OXR1: variants seen among roughly 807,000 people sequenced by gnomAD.
The protein encoded by OXR1 is oxidation resistance 1, also known as oxidation resistance protein 1.
OXR1 carries 41 observed loss-of-function variants against 104.6 expected under a neutral mutation model. The observed-to-expected ratio is 0.39, with a 90% CI of 0.31 to 0.51. The LOEUF (loss-of-function observed/expected upper bound fraction) is 0.51. Among genes scored for constraint, OXR1 ranks in the 20% least tolerant of loss-of-function variants. The pLI is 0.77. For synonymous variants in OXR1, 348 were observed against 348.4 expected, an observed-to-expected ratio of 1.00 and a Z score of 0.01; for missense variants, 955 against 1,031.9, an observed-to-expected ratio of 0.93 and a Z score of 1.02.
intron 3 of OXR1, among the ~76,000 whole-genome samples, chr8:106,651,227 C>T (rs189410464): frequency 6.6e-6 from 1 of 152,286 alleles, no homozygotes; most frequent in African/African-American, 2.4e-5. Context: ...TCTTCACCAT[C>T]CTGATAGAAG....
At chr8:106,307,695 A>G in intron 1 of OXR1, among the ~76,000 whole-genome samples, 1 of 152,124 alleles carries the variant, frequency 6.6e-6, no homozygotes, top group East Asian at 1.9e-4. Context: ...CTAGGGCTGT[A>G]GTTGGTTCCC....
rs76496994 is a variant in OXR1, at chr8:106,628,703, C to T, written c.221-50507C>T. On this transcript the variant is annotated intron_variant, in intron 3 of 16. Transcript: ENST00000517566. Reference sequence around the variant, plus strand: ...TTCTAGATGTCCCATCCCCTCTCTGCTATCCTCTTCCATCTTCACACGCAT... The same window carrying T: ...TTCTAGATGTCCCATCCCCTCTCTGTTATCCTCTTCCATCTTCACACGCAT... 4.3e-3 allele frequency among the ~76,000 whole-genome samples: 662 copies of T among 152,310 alleles called. 2 individuals are homozygous for T. Among genetic ancestry groups the T allele is most frequent in the Non-Finnish European group, 8.1e-3 (548 of 68,006 alleles).
chr8:106,672,532 G>A (rs150909498), intron 3 of OXR1, among the ~76,000 whole-genome samples: 1 of 129,168 alleles, frequency 7.7e-6, no homozygotes, highest in Non-Finnish European at 1.7e-5. Flanking sequence ...GAGAGAGAGA[G>A]AAAAGAAAAA....
intron 6 of OXR1, among the ~76,000 whole-genome samples, chr8:106,691,619 CATATATATAT>C (rs35095319): frequency 7.1e-6 from 1 of 140,984 alleles, no homozygotes; most frequent in African/African-American, 2.6e-5. Flanking sequence ...CATATATATA[CATATATATAT>C]ATATATATAT....
intron 2 of OXR1, among the ~76,000 whole-genome samples, chr8:106,505,792 C>T (rs541641719): frequency 6.6e-6 from 1 of 152,198 alleles, no homozygotes; most frequent in African/African-American, 2.4e-5. Flanking sequence ...TGGCCCAAGA[C>T]TATCAGGGCA....
intron 3 of OXR1, among the ~76,000 whole-genome samples, chr8:106,530,434 G>A (rs1420784561): frequency 6.6e-6 from 1 of 152,110 alleles, no homozygotes; most frequent in Non-Finnish European, 1.5e-5. Context: ...TGGGATTACA[G>A]GTGTGCATAA....
At chr8:106,419,174 A>G (rs1272238091) in intron 2 of OXR1, among the ~76,000 whole-genome samples, 1 of 152,148 alleles carries the variant, frequency 6.6e-6, no homozygotes, top group Non-Finnish European at 1.5e-5. Flanking sequence ...GAGAGTTGTG[A>G]CTGCTGTGAG....
intron 3 of OXR1, among the ~76,000 whole-genome samples, chr8:106,638,576 C>G (rs916571954): frequency 2.6e-5 from 4 of 152,166 alleles, no homozygotes; most frequent in Non-Finnish European, 5.9e-5. Flanking sequence ...GAGGACAACA[C>G]TTTAAGAACC....
chr8:106,509,991 C>G (rs557925453), intron 2 of OXR1, among the ~76,000 whole-genome samples: 1 of 152,176 alleles, frequency 6.6e-6, no homozygotes, highest in South Asian at 2.1e-4. Context: ...ATGCTGGTTG[C>G]GAACTCCTGA....
chr8:106,420,883 A>T (rs1361294522), intron 2 of OXR1, among the ~76,000 whole-genome samples: 1 of 151,980 alleles, frequency 6.6e-6, no homozygotes, highest in Non-Finnish European at 1.5e-5. Flanking sequence ...TGGATAGATG[A>T]CCTACAATGA....
At chr8:106,351,557 C>T (rs1244281852) in intron 1 of OXR1, among the ~76,000 whole-genome samples, 1 of 152,042 alleles carries the variant, frequency 6.6e-6, no homozygotes, top group Non-Finnish European at 1.5e-5. Context: ...CGGGAAAATG[C>T]AAATCAGCTT....
At chr8:106,547,713 G>C (rs979340228) in intron 3 of OXR1, among the ~76,000 whole-genome samples, 1 of 151,918 alleles carries the variant, frequency 6.6e-6, no homozygotes, top group Non-Finnish European at 1.5e-5. Flanking sequence ...GGCTGGTCTC[G>C]AACTACTGAC....
chr8:106,750,820 T>A lies in OXR1; in HGVS notation c.2501T>A (p.Leu834His). 1 of 1,601,264 alleles carries A rather than the reference T, an allele frequency of 6.2e-7. No homozygotes were observed. Among genetic ancestry groups the A allele is most frequent in the Non-Finnish European group, 8.5e-7 (1 of 1,174,574 alleles). ...ATGTATTGCAGAGGAGAATTTGCGC[T>A]TTGGCTTGATGGAGATCTCTACCAT... The part of the protein sequence containing the change: ...AFGGGGGEFA[L>H]WLDGDLYHGR... Residue 834 changes from leucine to histidine, a missense_variant, in exon 17 of 17, where the codon CTT becomes CAT. Transcript: ENST00000517566.
At chr8:106,359,706 C>T (rs1563735972) in intron 2 of OXR1, 70 bp downstream of exon 2, 5 of 1,096,212 alleles carry the variant, frequency 4.6e-6, no homozygotes, top group East Asian at 5.2e-5. Context: ...CTGAGGGAGT[C>T]GTACAGGCAG....
chr8:106,622,477 ACACACACACC>A (rs2130851800), intron 3 of OXR1, among the ~76,000 whole-genome samples: 3 of 150,384 alleles, frequency 2.0e-5, no homozygotes, highest in South Asian at 2.1e-4. Context: ...ACACACACAC[ACACACACACC>A]CCTTACTTCA....
At chr8:106,574,587 A>C (rs1312240383) in intron 3 of OXR1, among the ~76,000 whole-genome samples, 1 of 152,234 alleles carries the variant, frequency 6.6e-6, no homozygotes, top group Non-Finnish European at 1.5e-5. Flanking sequence ...GAAAAAGGTG[A>C]GTATAGACAG....
intron 3 of OXR1, among the ~76,000 whole-genome samples, chr8:106,608,830 A>G (rs1337450779): frequency 1.3e-5 from 2 of 152,202 alleles, no homozygotes; most frequent in African/African-American, 4.8e-5. Context: ...TTCTCTGGTC[A>G]TGTTAGGTTT....
intron 3 of OXR1, among the ~76,000 whole-genome samples, chr8:106,529,230 T>C (rs1398494161): frequency 2.6e-5 from 4 of 152,212 alleles, no homozygotes; most frequent in African/African-American, 9.6e-5. Context: ...AATAAGACCA[T>C]GGGATTCAAT....
chr8:106,561,985 A>C (rs950705588), intron 3 of OXR1, among the ~76,000 whole-genome samples: 1 of 152,176 alleles, frequency 6.6e-6, no homozygotes, highest in African/African-American at 2.4e-5. Flanking sequence ...AACATAAAAG[A>C]CCAAAGGTAG....
Sources: allele counts gnomAD v4.1 joint callset (sites outside exome capture counted in the v4.1 genomes callset), GRCh38; gene constraint gnomAD v4.1.1; transcripts MANE v1.5; gene names NCBI Gene and HGNC (gene_info 2026-07-23, HGNC 2026-07-21).